Variants in ARSG observed in about 807,000 individuals in gnomAD.
ARSG encodes the protein arylsulfatase G.
ARSG carries 37 observed loss-of-function variants against 50.5 expected under a neutral mutation model. That is an observed-to-expected ratio of 0.73 (90% CI 0.56 to 0.96). The LOEUF is 0.96. Ranked by LOEUF, ARSG falls within the 50% of genes least tolerant of loss-of-function variation. The probability of loss-of-function intolerance (pLI) is 0.00; values close to 1 mark genes in which losing one functional copy is unlikely to be tolerated. For missense variants in ARSG, 629 were observed against 675.3 expected (o/e 0.93, Z 0.76); for synonymous variants, 225 against 254.6 (o/e 0.88, Z 1.11).
At position 68,420,420 on chromosome 17, in the gene ARSG, G is replaced by A; in HGVS notation, c.1535G>A (p.Cys512Tyr). The A allele has an allele frequency of 1.2e-6, 2 of 1,614,152 alleles. No homozygotes were observed. The highest frequency in any genetic ancestry group is 1.7e-6 in the Non-Finnish European group (2 of 1,180,012). Residue 512 changes from cysteine (C) to tyrosine (Y), a missense_variant, in exon 12 of 12, where the codon TGC becomes TAC. Transcript: ENST00000621439. ...DYTQDPSVTPCCNPYQIACRC... is the reference protein window; with the variant it reads ...DYTQDPSVTPYCNPYQIACRC... ...ACTCAGGACCCTTCAGTAACTCCCT[G>A]CTGTAATCCCTACCAAATTGCCTGC...
chr17:68,331,188 T>C (rs2077729300), intron 2 of ARSG, among the ~76,000 whole-genome samples: 1 of 36,676 alleles, frequency 2.7e-5, no homozygotes, highest in Non-Finnish European at 4.8e-5. Flanking sequence ...TTTCTTTCTT[T>C]CTTTCTTTCT....
intron 1 of ARSG, chr17:68,272,639 C>A (rs2075378826): frequency 1.2e-6 from 2 of 1,613,780 alleles, no homozygotes; most frequent in Non-Finnish European, 1.7e-6. Context: ...GTCCACCTAC[C>A]TGGTGCGAAA....
At chr17:68,422,098 C>T (rs919840598), downstream of ARSG, 1 of 405,762 alleles carries the variant, frequency 2.5e-6, no homozygotes, top group Admixed American at 3.6e-5. Context: ...AAAGGCTCAT[C>T]TTACTTGTAA....
chr17:68,429,209 A>C, the ARSG span, among the ~76,000 whole-genome samples: 1 of 152,316 alleles, frequency 6.6e-6, no homozygotes, highest in East Asian at 1.9e-4. Context: ...GCTAGTGAAC[A>C]CATTAGCTCC....
rs181364442 is a variant in ARSG, at chr17:68,355,800, T to C, written c.567-867T>C. On this transcript the variant is annotated intron_variant, in intron 5 of 11. Coordinates refer to ENST00000621439, the MANE Select transcript of ARSG (RefSeq NM_001267727.2). ...TTATTAGTTTGACTCTTATTTTTTTTCCAACTGCTGAAGTTTCTCCAAATT... is the reference window on the plus strand; with the variant it reads ...TTATTAGTTTGACTCTTATTTTTTTCCCAACTGCTGAAGTTTCTCCAAATT... Among the ~76,000 whole-genome samples the C allele has an allele frequency of 1.3e-3, 192 of 152,248 alleles. 1 individual carries two copies. Among genetic ancestry groups the C allele is most frequent in the Non-Finnish European group, 2.1e-3 (143 of 67,996 alleles).
chr17:68,310,542 C>T (rs942051982), intron 2 of ARSG, among the ~76,000 whole-genome samples: 1 of 152,032 alleles, frequency 6.6e-6, no homozygotes, highest in Non-Finnish European at 1.5e-5. Flanking sequence ...GGAGAACAAG[C>T]GTTAGAGCTT....
intron 1 of ARSG, chr17:68,259,534 A>G (rs2075040904): frequency 6.6e-6 from 1 of 152,244 alleles, no homozygotes; most frequent in Non-Finnish European, 1.5e-5. Flanking sequence ...CCGTCCAACA[A>G]AAATATAATA....
chr17:68,426,184 C>A, downstream of ARSG: 1 of 1,576,752 alleles, frequency 6.3e-7, no homozygotes, highest in Non-Finnish European at 8.6e-7. Context: ...ACCTGGAAAC[C>A]AAGAAAGAGA....
At chr17:68,285,138 A>G (rs187929412) in intron 1 of ARSG, among the ~76,000 whole-genome samples, 2 of 152,332 alleles carry the variant, frequency 1.3e-5, no homozygotes, top group Admixed American at 1.3e-4. Flanking sequence ...AAATGATTCA[A>G]CCACATCTTG....
At chr17:68,323,541 C>G (rs1475768057) in intron 2 of ARSG, among the ~76,000 whole-genome samples, 2 of 152,170 alleles carry the variant, frequency 1.3e-5, no homozygotes, top group African/African-American at 4.8e-5. Context: ...TGAGGCACCA[C>G]TCCCAGCCAA....
chr17:68,381,230 T>C lies in ARSG; in HGVS notation c.983-3834T>C, dbSNP rs2080416941. 1.3e-5 allele frequency among the ~76,000 whole-genome samples: 2 copies of C among 152,206 alleles called. No homozygotes were observed. Among genetic ancestry groups the C allele is most frequent in the African/African-American group, 4.8e-5 (2 of 41,458 alleles). ...CTTCCCCGGCCTGCCCCTGTCTTCA[T>C]GCATCATAAAATGCCACTTCACTTC... On this transcript the variant is annotated intron_variant, in intron 8 of 11. Coordinates refer to ENST00000621439, the MANE Select transcript of ARSG (RefSeq NM_001267727.2). The surrounding 1 kb of genome is among the most constrained non-coding windows in gnomAD (Gnocchi z 4.1).
chr17:68,447,788 C>T, the ARSG span, among the ~76,000 whole-genome samples: 36,585 of 151,696 alleles, frequency 0.24, 4,927 homozygotes, highest in Non-Finnish European at 0.31. Context: ...GTCAGGAGAT[C>T]GAGAACATCC....
chr17:68,426,218 G>T, downstream of ARSG: 2 of 1,227,856 alleles, frequency 1.6e-6, no homozygotes, highest in Non-Finnish European at 2.3e-6. Context: ...CTGGGGATCT[G>T]CTTTTATGCC....
At position 68,368,629 on chromosome 17, in the gene ARSG, G is replaced by A. The variant is rs146307895; in HGVS notation, c.786G>A (p.Ala262=). The A allele has an allele frequency of 0.01, 16,377 of 1,614,204 alleles. 97 individuals carry two copies. The highest frequency in any genetic ancestry group is 0.012 in the Non-Finnish European group (14,360 of 1,180,016). ...TACCTGTGACTCAGCTACCAGCAGC[G>A]CCACGGGGCAGAAGCCTGTATGGTG... ...VPLPVTQLPA[A]PRGRSLYGAG... Residue 262 remains alanine, a synonymous_variant, in exon 7 of 12, where the codon GCG becomes GCA. Coordinates refer to ENST00000621439, the MANE Select transcript of ARSG (RefSeq NM_001267727.2).
intron 1 of ARSG, among the ~76,000 whole-genome samples, chr17:68,281,962 A>T (rs2075709276): frequency 6.6e-6 from 1 of 152,196 alleles, no homozygotes; most frequent in Non-Finnish European, 1.5e-5. Flanking sequence ...AAGGATCTAG[A>T]ACTGGAAATA....
Position 68,271,228 on chromosome 17 carries a change from G to T in ARSG, c.-552+11802G>T. 6.2e-7 allele frequency: 1 copy of T among 1,614,090 alleles called. No individual in the cohort carries two copies. ...GCCCAGAGGAATGATGTACAAGGAA[G>T]GTGCAAAGAATCCCAGTGTTGCAAA... On this transcript the variant is annotated intron_variant, in intron 1 of 11. Transcript: ENST00000448504. The surrounding 1 kb of genome is among the most constrained non-coding windows in gnomAD (Gnocchi z 5.3).
At chr17:68,432,298 A>T in the ARSG span, among the ~76,000 whole-genome samples, 2 of 152,192 alleles carry the variant, frequency 1.3e-5, no homozygotes, top group Non-Finnish European at 2.9e-5. Context: ...GACCTCAGGC[A>T]GCGTGGGCTT....
At chr17:68,322,946 G>A (rs1193101319) in intron 2 of ARSG, among the ~76,000 whole-genome samples, 4 of 152,064 alleles carry the variant, frequency 2.6e-5, no homozygotes, top group Non-Finnish European at 5.9e-5. Flanking sequence ...CCTTCTTGCT[G>A]TATTCTCACA....
downstream of ARSG, chr17:68,422,092 G>T (rs966797424): frequency 9.5e-6 from 4 of 419,012 alleles, no homozygotes; most frequent in Admixed American, 1.4e-4. Flanking sequence ...TTTTTAAAAG[G>T]CTCATCTTAC....
Sources: gnomAD v4.1 joint callset for allele counts (sites outside exome capture counted in the v4.1 genomes callset) on GRCh38, gnomAD v4.1.1 for gene constraint, Gnocchi (gnomAD v3.1) non-coding constraint, MANE v1.5 for transcripts, NCBI Gene and HGNC (gene_info 2026-07-23, HGNC 2026-07-21) for gene names.